The following CAMKMT variants were observed in gnomAD, a reference collection of about 807,000 sequenced individuals.
The protein encoded by CAMKMT is calmodulin-lysine N-methyltransferase.
In CAMKMT, 53 loss-of-function variants were observed where a neutral mutation model predicts 48.0. The ratio of observed to expected loss-of-function variants is 1.10; its 90% confidence interval spans 0.89 to 1.39. CAMKMT has a LOEUF of 1.39. CAMKMT is among the 40% of genes most tolerant of loss of function. The pLI, the probability that CAMKMT is intolerant of heterozygous loss-of-function variation, is 0.00. For missense variants in CAMKMT, 428 were observed against 402.7 expected (o/e 1.06, Z -0.54); for synonymous variants, 165 against 152.3 (o/e 1.08, Z -0.61).
chr2:44,439,825 A>ATAAG (rs1486412963), intron 3 of CAMKMT, among the ~76,000 whole-genome samples: 1 of 142,888 alleles, frequency 7.0e-6, no homozygotes, highest in Non-Finnish European at 1.5e-5. Flanking sequence ...AAATAAATAA[A>ATAAG]TAAGAAATGC....
rs535850476 is a variant in CAMKMT at position 44,644,141 on chromosome 2, G to A, written c.377-60142G>A. ...ACAGAAATCAAATTGTACAAGTGCCGAGGAATCTGAATCCAGTCTTGAGCT... is the reference window on the plus strand; with the variant it reads ...ACAGAAATCAAATTGTACAAGTGCCAAGGAATCTGAATCCAGTCTTGAGCT... On this transcript the variant is annotated intron_variant, in intron 3 of 10. Transcript: ENST00000378494. 1.1e-4 allele frequency among the ~76,000 whole-genome samples: 17 copies of A among 152,238 alleles called. No homozygotes were observed. The East Asian group carries it at 1.7e-3, about 16-fold the overall frequency.
At chr2:44,627,688 C>A (rs900657056) in intron 3 of CAMKMT, among the ~76,000 whole-genome samples, 1 of 117,438 alleles carries the variant, frequency 8.5e-6, no homozygotes. Flanking sequence ...ATAATGGTCC[C>A]ATTTTATCCT....
intron 1 of CAMKMT, among the ~76,000 whole-genome samples, chr2:44,362,799 C>T (rs1572617294): frequency 6.6e-6 from 1 of 152,216 alleles, no homozygotes; most frequent in East Asian, 1.9e-4. Context: ...ATGGTATCTT[C>T]TGGTACTTCA....
chr2:44,648,609 T>C (rs1280507201), intron 3 of CAMKMT, among the ~76,000 whole-genome samples: 6 of 152,210 alleles, frequency 3.9e-5, no homozygotes, highest in Non-Finnish European at 5.9e-5. Context: ...TTAAAGACCA[T>C]ACACAGGGCT....
intron 3 of CAMKMT, among the ~76,000 whole-genome samples, chr2:44,481,769 A>G (rs1668976414): frequency 6.6e-6 from 1 of 152,096 alleles, no homozygotes; most frequent in South Asian, 2.1e-4. Flanking sequence ...GATACTATCA[A>G]AGCTTGGAGT....
At chr2:44,541,999 G>A (rs1667134439) in intron 3 of CAMKMT, among the ~76,000 whole-genome samples, 1 of 151,764 alleles carries the variant, frequency 6.6e-6, no homozygotes, top group Non-Finnish European at 1.5e-5. Context: ...ATGGTGGCAC[G>A]CGCCTGTAAA....
chr2:44,634,062 C>G (rs555093844), intron 3 of CAMKMT, among the ~76,000 whole-genome samples: 3 of 152,182 alleles, frequency 2.0e-5, no homozygotes, highest in African/African-American at 7.2e-5. Context: ...AATAATATCT[C>G]TCTACTATGG....
At chr2:44,592,380 AT>A (rs1670348992) in intron 3 of CAMKMT, among the ~76,000 whole-genome samples, 1 of 151,930 alleles carries the variant, frequency 6.6e-6, no homozygotes, top group Non-Finnish European at 1.5e-5. Context: ...GTTATTTATA[AT>A]TTTCCTTTAT....
chr2:44,372,079 T>C (rs374268732), intron 1 of CAMKMT, among the ~76,000 whole-genome samples: 16 of 152,236 alleles, frequency 1.1e-4, no homozygotes, highest in Non-Finnish European at 2.2e-4. Context: ...CATAGGTTGT[T>C]AAAGAAGCAG....
Position 44,758,771 on chromosome 2 carries a change from G to C in CAMKMT, c.762+4653G>C, listed in dbSNP as rs190652795. ...ATGACAACAGCAGTGTCCAGTATCA[G>C]AGGACCCAAACGTAATTTAAAATAT... On this transcript the variant is annotated intron_variant, in intron 9 of 10. Coordinates refer to ENST00000378494, the MANE Select transcript of CAMKMT (RefSeq NM_024766.5). Among the ~76,000 whole-genome samples, 144 of 152,326 alleles carry C rather than the reference G, an allele frequency of 9.5e-4. 1 individual carries two copies. The highest frequency in any genetic ancestry group is 2.4e-3 in the Admixed American group (37 of 15,302).
intron 3 of CAMKMT, among the ~76,000 whole-genome samples, chr2:44,508,462 C>A (rs1670370734): frequency 6.6e-6 from 1 of 152,106 alleles, no homozygotes; most frequent in Non-Finnish European, 1.5e-5. Flanking sequence ...TTTAAAAATT[C>A]CGAGCTTTCA....
chr2:44,656,355 C>CTT (rs200975524), intron 3 of CAMKMT, among the ~76,000 whole-genome samples: 2 of 148,382 alleles, frequency 1.3e-5, no homozygotes, highest in Non-Finnish European at 3.0e-5. Flanking sequence ...GAATTTTTTT[C>CTT]TTTTTTTTTT....
At chr2:44,681,273 T>C (rs1371115326) in intron 3 of CAMKMT, among the ~76,000 whole-genome samples, 6 of 152,208 alleles carry the variant, frequency 3.9e-5, no homozygotes, top group Admixed American at 3.9e-4. Flanking sequence ...TTTGTTTGCA[T>C]AACAGTCACC....
At chr2:44,384,317 G>A (rs1438751662) in intron 2 of CAMKMT, among the ~76,000 whole-genome samples, 1 of 151,848 alleles carries the variant, frequency 6.6e-6, no homozygotes, top group Non-Finnish European at 1.5e-5. Flanking sequence ...ACTTTTTGAT[G>A]GGATTGTTTG....
intron 3 of CAMKMT, among the ~76,000 whole-genome samples, chr2:44,424,407 T>C (rs1558602296): frequency 1.3e-5 from 2 of 152,120 alleles, no homozygotes; most frequent in South Asian, 4.1e-4. Flanking sequence ...AGGGCCGTGA[T>C]ACATTGCGCA....
rs1051176959 is a variant in CAMKMT, at chr2:44,526,329, T to C, written c.376+136024T>C. Among the ~76,000 whole-genome samples, 6 of 152,278 alleles carry C rather than the reference T, an allele frequency of 3.9e-5. 1 individual carries two copies. The highest frequency in any genetic ancestry group is 1.2e-4 in the African/African-American group (5 of 41,554). ...TATTTTTATACATGTAGATATAAAATTTCTATTAGGGTTCTACAGAGAAAT... is the reference window on the plus strand; with the variant it reads ...TATTTTTATACATGTAGATATAAAACTTCTATTAGGGTTCTACAGAGAAAT... On this transcript the variant is annotated intron_variant, in intron 3 of 10. Coordinates refer to ENST00000378494, the MANE Select transcript of CAMKMT (RefSeq NM_024766.5).
chr2:44,650,725 G>T (rs1674009777), intron 3 of CAMKMT, among the ~76,000 whole-genome samples: 1 of 152,082 alleles, frequency 6.6e-6, no homozygotes, highest in African/African-American at 2.4e-5. Context: ...ATGTGTTAAA[G>T]AGTTAAATAT....
chr2:44,410,445 A>G (rs535084975), intron 3 of CAMKMT, among the ~76,000 whole-genome samples: 2 of 149,234 alleles, frequency 1.3e-5, no homozygotes, highest in East Asian at 2.0e-4. Flanking sequence ...ATTTTTAGTA[A>G]AGATGGGGTT....
intron 3 of CAMKMT, among the ~76,000 whole-genome samples, chr2:44,605,601 T>A (rs1329254188): frequency 6.6e-6 from 1 of 152,170 alleles, no homozygotes; most frequent in Non-Finnish European, 1.5e-5. Context: ...ACATTTTTTA[T>A]TTTTAAGAAT....
Sources: gnomAD v4.1 joint callset for allele counts (sites outside exome capture counted in the v4.1 genomes callset) on GRCh38, gnomAD v4.1.1 for gene constraint, MANE v1.5 for transcripts, NCBI Gene and HGNC (gene_info 2026-07-23, HGNC 2026-07-21) for gene names.